The following SLC1A4 variants were observed in gnomAD, a reference collection of about 807,000 sequenced individuals.
The protein encoded by SLC1A4 is neutral amino acid transporter A.
In SLC1A4, 19 loss-of-function variants were observed where a neutral mutation model predicts 37.7. The observed-to-expected ratio is 0.50, with a 90% CI of 0.35 to 0.74. The LOEUF (loss-of-function observed/expected upper bound fraction) is 0.74, where lower values mean the gene tolerates loss of function less well. Among genes scored for constraint, SLC1A4 ranks in the 30% least tolerant of loss-of-function variants. The probability of loss-of-function intolerance (pLI) is 0.01; values close to 1 mark genes in which losing one functional copy is unlikely to be tolerated. For missense variants in SLC1A4, 570 were observed against 712.9 expected (o/e 0.80, Z 2.28); for synonymous variants, 299 against 309.8 (o/e 0.97, Z 0.37).
chr2:65,003,257 G>A (rs982202469), intron 2 of SLC1A4, among the ~76,000 whole-genome samples: 12 of 152,172 alleles, frequency 7.9e-5, no homozygotes, highest in Non-Finnish European at 1.8e-4. Context: ...GGTGCCCTTC[G>A]AAGGGGCCAG....
At chr2:64,998,819 A>C (rs1172820793) in intron 1 of SLC1A4, among the ~76,000 whole-genome samples, 1 of 152,214 alleles carries the variant, frequency 6.6e-6, no homozygotes, top group East Asian at 1.9e-4. Flanking sequence ...CCAATTGAGG[A>C]AACAGCTAAT....
intron 7 of SLC1A4, among the ~76,000 whole-genome samples, chr2:65,019,361 C>A (rs952520047): frequency 6.6e-6 from 1 of 152,060 alleles, no homozygotes; most frequent in African/African-American, 2.4e-5. Context: ...GGATTGAAAT[C>A]CCAGATTTGC....
At chr2:65,001,224 T>G in intron 1 of SLC1A4, 1 of 531,698 alleles carries the variant, frequency 1.9e-6, no homozygotes, top group Non-Finnish European at 3.3e-6. Context: ...AAGCAGATAC[T>G]TTGCACACTG....
rs1428833414 is a variant in SLC1A4 at position 64,989,831 on chromosome 2, G to A, written c.188G>A (p.Arg63His). Reference sequence around the variant, plus strand: ...GGCGCGGGCCTGGGCGCGGCGTTGCGCGGGCTCAGCCTGAGCCGCACGCAG... The same window carrying A: ...GGCGCGGGCCTGGGCGCGGCGTTGCACGGGCTCAGCCTGAGCCGCACGCAG... ...LAGAGLGAALRGLSLSRTQVT... is the reference protein window; with the variant it reads ...LAGAGLGAALHGLSLSRTQVT... The change falls in exon 1 of 8, where the codon CGC (arginine) becomes CAC (histidine). Residue 63 changes from arginine to histidine, a missense_variant. Arg to His is a conservative substitution (Grantham distance 29). Coordinates refer to ENST00000234256, the MANE Select transcript of SLC1A4 (RefSeq NM_003038.5). 6.5e-7 allele frequency: 1 copy of A among 1,534,470 alleles called. No individual in the cohort carries two copies. The highest frequency in any genetic ancestry group is 1.2e-5 in the South Asian group (1 of 83,770).
chr2:64,995,263 C>T (rs1673207783), intron 1 of SLC1A4, among the ~76,000 whole-genome samples: 3 of 152,126 alleles, frequency 2.0e-5, no homozygotes, highest in East Asian at 3.8e-4. Context: ...GTGCACAAGT[C>T]GTTTGTCCTC....
intron 2 of SLC1A4, among the ~76,000 whole-genome samples, chr2:65,003,402 C>T (rs145649464): frequency 2.0e-5 from 3 of 152,218 alleles, no homozygotes; most frequent in Non-Finnish European, 2.9e-5. Flanking sequence ...ATAACTGAGT[C>T]CCCCTGAAGA....
At position 65,020,963 on chromosome 2, in the gene SLC1A4, C is replaced by A; in HGVS notation, c.1416C>A (p.Gly472=). 2 of 1,614,188 alleles carry A rather than the reference C, an allele frequency of 1.2e-6. No homozygotes were observed. The highest frequency in any genetic ancestry group is 1.7e-5 in the Admixed American group (1 of 60,020). Residue 472 remains glycine (G), a synonymous_variant, in exon 8 of 8, where the codon GGC becomes GGA. Coordinates refer to ENST00000234256, the MANE Select transcript of SLC1A4 (RefSeq NM_003038.5). The part of the protein sequence containing the change: ...VNVEGDALGA[G]ILHHLNQKAT... Reference sequence around the variant, plus strand: ...TGGAAGGGGATGCCCTGGGTGCAGGCATTCTCCACCACCTGAATCAGAAGG... The same window carrying A: ...TGGAAGGGGATGCCCTGGGTGCAGGAATTCTCCACCACCTGAATCAGAAGG...
intron 4 of SLC1A4, among the ~76,000 whole-genome samples, chr2:65,015,981 CA>C (rs1336721235): frequency 6.6e-6 from 1 of 152,182 alleles, no homozygotes; most frequent in Non-Finnish European, 1.5e-5. Context: ...TAAAACTTCA[CA>C]AAAGTCCTAG....
At position 65,023,022 on chromosome 2, in the gene SLC1A4, T is replaced by A. The variant is rs928255149; in HGVS notation, c.*1876T>A. ...GAGCAGAAAGGGTGAAGAAGAGCCA[T>A]GGGACACAGAGTTGACCCAGCCAGG... On this transcript the variant is annotated 3_prime_UTR_variant, in exon 8 of 8. Transcript: ENST00000234256. 1 of 152,370 alleles carries A rather than the reference T, an allele frequency of 6.6e-6. No individual in the cohort carries two copies. The highest frequency in any genetic ancestry group is 1.5e-5 in the Non-Finnish European group (1 of 68,092). The allele number at this position is 152,370 out of a possible 1,614,324, so 9.4% of individuals were successfully genotyped here. A position where few individuals can be genotyped will look rare whatever the true frequency, so the allele number is the denominator to read the frequency against.
chr2:65,001,460 C>T lies in SLC1A4; in HGVS notation c.540C>T (p.Pro180=). 6.2e-6 allele frequency: 10 copies of T among 1,613,958 alleles called. No homozygotes were observed. Among genetic ancestry groups the T allele is most frequent in the Non-Finnish European group, 8.5e-6 (10 of 1,179,898 alleles). ...SFLDLARNLF[P]SNLVVAAFRT... ...TCTTTTCCAACAGAAACCTGTTTCCCTCCAATCTTGTGGTTGCAGCTTTCC... is the reference window on the plus strand; with the variant it reads ...TCTTTTCCAACAGAAACCTGTTTCCTTCCAATCTTGTGGTTGCAGCTTTCC... The change falls in exon 2 of 8, where the codon CCC becomes CCT. Residue 180 remains proline, a synonymous_variant. Coordinates refer to ENST00000234256, the MANE Select transcript of SLC1A4 (RefSeq NM_003038.5).
At chr2:64,995,506 A>C (rs1023713013) in intron 1 of SLC1A4, among the ~76,000 whole-genome samples, 1 of 152,136 alleles carries the variant, frequency 6.6e-6, no homozygotes, top group African/African-American at 2.4e-5. Flanking sequence ...TCCAGCTGGA[A>C]TCTAAAACTG....
In SLC1A4 at chr2:64,989,555, C is replaced by T. The variant is rs1030673498; in HGVS notation, c.-89C>T. 3 of 1,251,760 alleles carry T rather than the reference C, an allele frequency of 2.4e-6. No individual in the cohort carries two copies. Among genetic ancestry groups the T allele is most frequent in the Non-Finnish European group, 3.1e-6 (3 of 964,950 alleles). The allele number at this position is 1,251,760 out of a possible 1,614,324, so 77.5% of individuals were successfully genotyped here. A position where few individuals can be genotyped will look rare whatever the true frequency, so the allele number is the denominator to read the frequency against. Reference sequence around the variant, plus strand: ...GCTTCCCAGAACCTGCGGAGCACAACTGGCCGACCGACCCATTCATTGGGA... The same window carrying T: ...GCTTCCCAGAACCTGCGGAGCACAATTGGCCGACCGACCCATTCATTGGGA... On this transcript the variant is annotated 5_prime_UTR_variant, in exon 1 of 8. Coordinates refer to ENST00000234256, the MANE Select transcript of SLC1A4 (RefSeq NM_003038.5).
At chr2:64,989,074 C>T (rs1176561121), upstream of SLC1A4, among the ~76,000 whole-genome samples, 1 of 152,118 alleles carries the variant, frequency 6.6e-6, no homozygotes, top group Admixed American at 6.5e-5. Flanking sequence ...CCCGGGCGGT[C>T]CTTCAGCCCG....
chr2:65,018,431 C>CCT lies in SLC1A4; in HGVS notation c.1230-113_1230-112dup, dbSNP rs990783471. Reference sequence around the variant, plus strand: ...ACTCTCAAGGGCGTAGCCAGCAGAGCCTATGGTGGGGCGGTTTTTAGTTTC... The same window carrying CCT: ...ACTCTCAAGGGCGTAGCCAGCAGAGCCTCTATGGTGGGGCGGTTTTTAGTTTC... On this transcript the variant is annotated intron_variant, in intron 6 of 7. Transcript: ENST00000234256. This position sits in a 1 kb window ranked among gnomAD's most constrained non-coding sequence, Gnocchi z 4.3. 4.1e-6 allele frequency: 6 copies of CCT among 1,469,998 alleles called. No homozygotes were observed. In the African/African-American group the frequency reaches 8.4e-5, roughly 20 times the overall value. The allele number at this position is 1,469,998 out of a possible 1,614,324, so 91.1% of individuals were successfully genotyped here.
Position 65,018,968 on chromosome 2 carries a change from A to G in SLC1A4, c.1364+289A>G, listed in dbSNP as rs1025152226. On this transcript the variant is annotated intron_variant, in intron 7 of 7. Coordinates refer to ENST00000234256, the MANE Select transcript of SLC1A4 (RefSeq NM_003038.5). The surrounding 1 kb of genome is among the most constrained non-coding windows in gnomAD (Gnocchi z 4.3). ...AGCTGAGGCCCTCAGCGCAGGCCCA[A>G]GGGACACGAGGGTCTATGGAGTTGC... is the stretch of plus-strand genomic sequence containing the variant. Among the ~76,000 whole-genome samples the G allele has an allele frequency of 3.3e-5, 5 of 152,374 alleles. No individual in the cohort carries two copies. Among genetic ancestry groups the G allele is most frequent in the East Asian group, 1.9e-4 (1 of 5,192 alleles).
chr2:65,021,299 C>T lies in SLC1A4; in HGVS notation c.*153C>T. ...CTGGCCTGAGGCTTACCTCTCGGCA[C>T]TGGCATTGGGCTCCCCAGCCGGAAC... On this transcript the variant is annotated 3_prime_UTR_variant, in exon 8 of 8. Transcript: ENST00000234256. 2 of 631,904 alleles carry T rather than the reference C, an allele frequency of 3.2e-6. No individual in the cohort carries two copies. The highest frequency in any genetic ancestry group is 2.8e-5 in the East Asian group (1 of 36,362). 39.1% of individuals were successfully genotyped at this position (631,904 alleles called of 1,614,324 possible).
In SLC1A4 at chr2:65,021,346, C is replaced by G; in HGVS notation, c.*200C>G. On this transcript the variant is annotated 3_prime_UTR_variant, in exon 8 of 8. Coordinates refer to ENST00000234256, the MANE Select transcript of SLC1A4 (RefSeq NM_003038.5). The stretch of plus-strand genomic sequence containing the variant: ...GAACTGGTTACCAAGGACAAGGACA[C>G]TCTGACATTCGGCTTGATCCATGTC... 2 of 585,784 alleles carry G rather than the reference C, an allele frequency of 3.4e-6. No homozygotes were observed. Among genetic ancestry groups the G allele is most frequent in the Non-Finnish European group, 6.1e-6 (2 of 328,694 alleles). The allele number at this position is 585,784 out of a possible 1,614,324, so 36.3% of individuals were successfully genotyped here.
At chr2:65,006,696 C>G (rs974098510) in intron 3 of SLC1A4, among the ~76,000 whole-genome samples, 1 of 151,716 alleles carries the variant, frequency 6.6e-6, no homozygotes, top group Non-Finnish European at 1.5e-5. Flanking sequence ...CTCAATGACT[C>G]AGAAGGCTGA....
chr2:64,997,119 G>A (rs1403803685), intron 1 of SLC1A4, among the ~76,000 whole-genome samples: 1 of 152,036 alleles, frequency 6.6e-6, no homozygotes, highest in Non-Finnish European at 1.5e-5. Flanking sequence ...TTGGTCTGTG[G>A]CAAGCAGAGG....
Sources: allele counts gnomAD v4.1 joint callset (sites outside exome capture counted in the v4.1 genomes callset), GRCh38; gene constraint gnomAD v4.1.1; non-coding constraint Gnocchi (gnomAD v3.1); transcripts MANE v1.5; gene names NCBI Gene and HGNC (gene_info 2026-07-23, HGNC 2026-07-21).